Variants in CDH12 observed in about 807,000 individuals in gnomAD.
CDH12 encodes the protein cadherin-12.
A neutral mutation model predicts 74.1 loss-of-function variants in CDH12; 41 were observed. That is an observed-to-expected ratio of 0.55 (90% CI 0.43 to 0.72). CDH12 has a LOEUF of 0.72. Ranked by LOEUF, CDH12 falls within the 30% of genes least tolerant of loss-of-function variation. CDH12 has a pLI of 0.00. For missense variants in CDH12, 945 were observed against 977.2 expected, an observed-to-expected ratio of 0.97 and a Z score of 0.44; for synonymous variants, 399 against 355.0, an observed-to-expected ratio of 1.12 and a Z score of -1.39.
chr5:22,660,721 T>G (rs1740303891), intron 1 of CDH12, among the ~76,000 whole-genome samples: 1 of 152,144 alleles, frequency 6.6e-6, no homozygotes, highest in Non-Finnish European at 1.5e-5. Flanking sequence ...TGGCCCAGGG[T>G]TTTATTCATG....
chr5:22,748,557 C>A (rs919193981), intron 1 of CDH12, among the ~76,000 whole-genome samples: 1 of 152,096 alleles, frequency 6.6e-6, no homozygotes, highest in East Asian at 1.9e-4. Context: ...TTTCCAGAAG[C>A]TTAATGAAAG....
At chr5:22,257,128 T>C (rs778833114) in intron 3 of CDH12, among the ~76,000 whole-genome samples, 3 of 152,078 alleles carry the variant, frequency 2.0e-5, no homozygotes, top group Non-Finnish European at 4.4e-5. Context: ...ATGATGAGAA[T>C]ACATGGACAC....
intron 3 of CDH12, among the ~76,000 whole-genome samples, chr5:22,284,662 T>C (rs1408178930): frequency 6.6e-6 from 1 of 152,086 alleles, no homozygotes; most frequent in Non-Finnish European, 1.5e-5. Flanking sequence ...AGTTTTGTCA[T>C]ATTCTGTTGT....
At chr5:21,860,313 T>G (rs371797417) in intron 6 of CDH12, among the ~76,000 whole-genome samples, 2 of 152,044 alleles carry the variant, frequency 1.3e-5, no homozygotes, top group East Asian at 3.9e-4. Context: ...TAAGGATTAG[T>G]GTGCTTCGGG....
chr5:22,618,708 G>A (rs1465875785), intron 1 of CDH12, among the ~76,000 whole-genome samples: 6 of 152,036 alleles, frequency 3.9e-5, no homozygotes, highest in Non-Finnish European at 7.4e-5. Context: ...AAATTCTAAA[G>A]TCCTTCTGAT....
chr5:21,798,613 G>A (rs1161530580), intron 10 of CDH12, among the ~76,000 whole-genome samples: 2 of 152,048 alleles, frequency 1.3e-5, no homozygotes, highest in Non-Finnish European at 2.9e-5. Flanking sequence ...GGGTAAGGAG[G>A]TCATGAGGGT....
chr5:22,350,159 A>G (rs945551872), intron 3 of CDH12, among the ~76,000 whole-genome samples: 1 of 152,234 alleles, frequency 6.6e-6, no homozygotes, highest in Admixed American at 6.5e-5. Flanking sequence ...ACTAAGCTCT[A>G]TGATTCCAGA....
intron 4 of CDH12, among the ~76,000 whole-genome samples, chr5:22,211,438 C>T (rs1474494718): frequency 6.6e-6 from 1 of 152,096 alleles, no homozygotes; most frequent in Non-Finnish European, 1.5e-5. Context: ...AGCCTGCAGA[C>T]TGATAGATCA....
intron 10 of CDH12, among the ~76,000 whole-genome samples, chr5:21,786,138 C>T (rs997848681): frequency 6.6e-6 from 1 of 152,088 alleles, no homozygotes; most frequent in African/African-American, 2.4e-5. Context: ...GACAGCACAT[C>T]TGCTCACAGC....
chr5:22,618,640 A>T (rs1737805027), intron 1 of CDH12, among the ~76,000 whole-genome samples: 1 of 152,122 alleles, frequency 6.6e-6, no homozygotes, highest in South Asian at 2.1e-4. Context: ...GTAACTGAGG[A>T]TATATTCTTG....
chr5:22,603,175 C>G (rs574145289), intron 1 of CDH12, among the ~76,000 whole-genome samples: 60 of 151,918 alleles, frequency 3.9e-4, no homozygotes, highest in Middle Eastern at 6.8e-3. Context: ...ACAAGAAATA[C>G]AGAAAACCAT....
intron 10 of CDH12, among the ~76,000 whole-genome samples, chr5:21,794,985 T>G: frequency 6.6e-6 from 1 of 151,694 alleles, no homozygotes; most frequent in East Asian, 1.9e-4. Context: ...AATATTCATA[T>G]AGGTATTGGA....
At chr5:21,797,307 C>G (rs1332767479) in intron 10 of CDH12, among the ~76,000 whole-genome samples, 2 of 152,024 alleles carry the variant, frequency 1.3e-5, no homozygotes, top group Admixed American at 1.3e-4. Flanking sequence ...CAAAGGAAAA[C>G]AAAACAAACA....
intron 4 of CDH12, among the ~76,000 whole-genome samples, chr5:22,180,659 T>A (rs764137815): frequency 1.3e-5 from 2 of 151,968 alleles, no homozygotes; most frequent in Admixed American, 6.6e-5. Context: ...ATTATAGGCA[T>A]GCACCACAAT....
intron 3 of CDH12, among the ~76,000 whole-genome samples, chr5:22,214,878 A>G (rs13359667): frequency 6.6e-6 from 1 of 152,232 alleles, no homozygotes; most frequent in Non-Finnish European, 1.5e-5. Flanking sequence ...AATGGTTTCT[A>G]TAGAGAGTAT....
At chr5:21,868,776 A>G (rs1372034056) in intron 6 of CDH12, among the ~76,000 whole-genome samples, 1 of 152,126 alleles carries the variant, frequency 6.6e-6, no homozygotes, top group Admixed American at 6.5e-5. Flanking sequence ...AATCTCACCC[A>G]TATCTGGTTT....
At chr5:22,003,489 A>G (rs920045089) in intron 5 of CDH12, among the ~76,000 whole-genome samples, 16 of 152,236 alleles carry the variant, frequency 1.1e-4, no homozygotes, top group Non-Finnish European at 2.1e-4. Context: ...AGAAAGCCAA[A>G]GAGACAATTT....
intron 2 of CDH12, among the ~76,000 whole-genome samples, chr5:22,414,445 TTGCATTATATG>T (rs1327321920): frequency 6.6e-6 from 1 of 151,966 alleles, no homozygotes; most frequent in East Asian, 1.9e-4. Context: ...ACTAAAGATT[TTGCATTATATG>T]TGCCATATTT....
intron 1 of CDH12, among the ~76,000 whole-genome samples, chr5:22,820,794 C>G (rs368682759): frequency 6.6e-6 from 1 of 152,166 alleles, no homozygotes; most frequent in Non-Finnish European, 1.5e-5. Context: ...CAGCCGAATT[C>G]TACCAGAGGT....
Sources: allele counts gnomAD v4.1 joint callset (sites outside exome capture counted in the v4.1 genomes callset), GRCh38; gene constraint gnomAD v4.1.1; transcripts MANE v1.5; gene names NCBI Gene and HGNC (gene_info 2026-07-23, HGNC 2026-07-21).